The following TRIM29 variants were observed in gnomAD, a reference collection of about 807,000 sequenced individuals.
The protein encoded by TRIM29 is tripartite motif-containing protein 29.
A neutral mutation model predicts 57.3 loss-of-function variants in TRIM29; 52 were observed. The ratio of observed to expected loss-of-function variants is 0.91; its 90% CI spans 0.73 to 1.14. TRIM29 has a LOEUF of 1.14. TRIM29 is among the 50% of genes most tolerant of loss of function. The probability of loss-of-function intolerance (pLI) is 0.00; values close to 1 mark genes in which losing one functional copy is unlikely to be tolerated. For missense variants in TRIM29, 753 were observed against 774.6 expected (o/e 0.97, Z 0.33); for synonymous variants, 319 against 316.9 (o/e 1.01, Z -0.07).
rs773651105 is a variant in TRIM29 at position 120,112,445 on chromosome 11, C to G, written c.1736G>C (p.Gly579Ala). ...GGCTTCGTTGGACCCAATCCCGTTG[C>G]CTTTGTTGACGTAGAATGGCCGGTA... ...SHYRPFYVNK[G>A]NGIGSNEAP Residue 579 changes from glycine (G) to alanine (A), a missense_variant, in exon 9 of 9, where the codon GGC becomes GCC. Transcript: ENST00000341846. 8 of 1,613,182 alleles carry G rather than the reference C, an allele frequency of 5.0e-6. No individual in the cohort carries two copies. In the East Asian group the frequency reaches 6.7e-5, roughly 13 times the overall value.
intron 2 of TRIM29, 99 bp from the exon 3 acceptor site, chr11:120,127,668 G>C (rs899525745): frequency 1.6e-5 from 18 of 1,125,672 alleles, no homozygotes; most frequent in Non-Finnish European, 1.7e-5. Flanking sequence ...CACAGGATCA[G>C]GGCATTCCCA....
chr11:120,127,018 C>T (rs1361077088), intron 3 of TRIM29, among the ~76,000 whole-genome samples: 2 of 152,186 alleles, frequency 1.3e-5, no homozygotes, highest in Non-Finnish European at 2.9e-5. Flanking sequence ...CCCCTCTACC[C>T]GATTCACTGA....
In TRIM29 at chr11:120,137,881, C is replaced by G. The variant is rs374671683; in HGVS notation, c.151G>C (p.Ala51Pro). ...GCGCTGCCCAGGCTCTTGCCCTCAGCTGCCTCCCCGCCGTGCCCGTTGGTG... is the reference window on the plus strand; with the variant it reads ...GCGCTGCCCAGGCTCTTGCCCTCAGGTGCCTCCCCGCCGTGCCCGTTGGTG... ...KTTNGHGGEAAEGKSLGSALK... is the reference protein window; with the variant it reads ...KTTNGHGGEAPEGKSLGSALK... Residue 51 changes from alanine (A) to proline (P), a missense_variant, in exon 1 of 9, where the codon GCT (alanine) becomes CCT (proline). By Grantham distance (27) the Ala-to-Pro change is conservative. Transcript: ENST00000341846. This position sits in a 1 kb window ranked among gnomAD's most constrained non-coding sequence, Gnocchi z 6.2. 2.8e-5 allele frequency: 45 copies of G among 1,611,000 alleles called. No individual in the cohort carries two copies. The highest frequency in any genetic ancestry group is 2.4e-4 in the African/African-American group (18 of 74,952).
chr11:120,137,154 G>A lies in TRIM29; in HGVS notation c.804+74C>T. On this transcript the variant is annotated intron_variant, in intron 1 of 8. Coordinates refer to ENST00000341846, the MANE Select transcript of TRIM29 (RefSeq NM_012101.4). This position sits in a 1 kb window ranked among gnomAD's most constrained non-coding sequence, Gnocchi z 6.2. ...GCCCCAAACCCGAGGAAGCCCGAGT[G>A]GAGAAGATGAAGTTCGGAGGGGTGG... 7 of 1,532,414 alleles carry A rather than the reference G, an allele frequency of 4.6e-6. No homozygotes were observed. Among genetic ancestry groups the A allele is most frequent in the Non-Finnish European group, 6.2e-6 (7 of 1,122,416 alleles). The allele number at this position is 1,532,414 out of a possible 1,614,324, so 94.9% of individuals were successfully genotyped here. A position where few individuals can be genotyped will look rare whatever the true frequency, so the allele number is the denominator to read the frequency against.
chr11:120,112,850 G>T (rs546390258), intron 8 of TRIM29, among the ~76,000 whole-genome samples: 1 of 152,192 alleles, frequency 6.6e-6, no homozygotes, highest in Non-Finnish European at 1.5e-5. Context: ...GTCGAGGGCT[G>T]TATGTGGATG....
rs762352222 is a variant in TRIM29, at chr11:120,112,384, G to A, written c.*30C>T. The A allele has an allele frequency of 1.2e-6, 2 of 1,612,234 alleles. No individual in the cohort carries two copies. Among genetic ancestry groups the A allele is most frequent in the South Asian group, 2.2e-5 (2 of 91,022 alleles). ...AGCAGGGTCAGGAGGAAGAGCAGGG[G>A]TGTGGCGCCTCGTTCCTTCCGCCAG... On this transcript the variant is annotated 3_prime_UTR_variant, in exon 9 of 9. Transcript: ENST00000341846.
intron 1 of TRIM29, among the ~76,000 whole-genome samples, chr11:120,131,806 G>A (rs1863729051): frequency 6.6e-6 from 1 of 150,646 alleles, no homozygotes; most frequent in Non-Finnish European, 1.5e-5. Flanking sequence ...AACATGGGAA[G>A]GTTTAAAAGT....
chr11:120,112,113 G>C lies in TRIM29; in HGVS notation c.*301C>G, dbSNP rs1863148809. 1 of 377,266 alleles carries C rather than the reference G, an allele frequency of 2.7e-6. No individual in the cohort carries two copies. Among genetic ancestry groups the C allele is most frequent in the Admixed American group, 4.5e-5 (1 of 22,204 alleles). 23.4% of individuals were successfully genotyped at this position (377,266 alleles called of 1,614,324 possible). A position where few individuals can be genotyped will look rare whatever the true frequency, so the allele number is the denominator to read the frequency against. ...GCCCCCAGATCCAGCCCGAGAGGAG[G>C]AGGCTGGCGGGTTAGGGCAGGCCCC... is the stretch of plus-strand genomic sequence containing the variant. On this transcript the variant is annotated 3_prime_UTR_variant, in exon 9 of 9. Coordinates refer to ENST00000341846, the MANE Select transcript of TRIM29 (RefSeq NM_012101.4).
chr11:120,127,546 G>A lies in TRIM29; in HGVS notation c.924C>T (p.Ala308=). The A allele has an allele frequency of 6.2e-7, 1 of 1,613,992 alleles. No individual in the cohort carries two copies. The highest frequency in any genetic ancestry group is 8.5e-7 in the Non-Finnish European group (1 of 1,179,934). The stretch of plus-strand genomic sequence containing the variant: ...GGTCCCGGAAGTTCTGCTCCAGGAT[G>A]GCCTTCTCATTGGTGGTGAAGCTCT... ...RIKSFTTNEK[A]ILEQNFRDLV... The change falls in exon 3 of 9, where the codon GCC becomes GCT. Residue 308 remains alanine, a synonymous_variant. Coordinates refer to ENST00000341846, the MANE Select transcript of TRIM29 (RefSeq NM_012101.4).
At chr11:120,130,751 G>A (rs1012517191) in intron 1 of TRIM29, among the ~76,000 whole-genome samples, 1 of 152,212 alleles carries the variant, frequency 6.6e-6, no homozygotes, top group Admixed American at 6.5e-5. Flanking sequence ...TGGACCAGGG[G>A]CCAGGCTGGG....
intron 8 of TRIM29, among the ~76,000 whole-genome samples, chr11:120,112,699 T>C (rs1466709213): frequency 2.0e-5 from 3 of 152,224 alleles, no homozygotes; most frequent in Non-Finnish European, 4.4e-5. Context: ...TCCATTCCCA[T>C]AGTTAGTGGG....
intron 6 of TRIM29, among the ~76,000 whole-genome samples, chr11:120,120,344 TACACACACACACACAC>T (rs71050727): frequency 0.01 from 1,390 of 138,000 alleles, 27 homozygotes; most frequent in African/African-American, 0.031. Flanking sequence ...CCCACACATG[TACACACACACACACAC>T]ACACACACAC....
At chr11:120,125,956 AG>A (rs1217545343) in intron 3 of TRIM29, 67 bp from the exon 4 acceptor site, 1 of 1,526,774 alleles carries the variant, frequency 6.5e-7, no homozygotes, top group East Asian at 2.3e-5. Flanking sequence ...CTTCTCTGCC[AG>A]GGGCTCTCAC....
chr11:120,133,904 C>T (rs1168176214), intron 1 of TRIM29, among the ~76,000 whole-genome samples: 1 of 152,174 alleles, frequency 6.6e-6, no homozygotes, highest in Non-Finnish European at 1.5e-5. Context: ...ACACACGCCT[C>T]GTCATGCTGC....
In TRIM29 at chr11:120,128,411, CCTT is replaced by C; in HGVS notation, c.886_888del (p.Lys296del). 1 of 1,611,970 alleles carries C rather than the reference CCTT, an allele frequency of 6.2e-7. No homozygotes were observed. The highest frequency in any genetic ancestry group is 8.5e-7 in the Non-Finnish European group (1 of 1,180,002). On this transcript the variant is annotated inframe_deletion, in exon 2 of 9. Transcript: ENST00000341846. ...TGGGGGCTGCTCACCTTGATGCGGT[CCTT>C]CTCCTTCTGCCACTTCTCAGCTTCA...
chr11:120,113,870 T>C (rs1863200233), intron 8 of TRIM29, among the ~76,000 whole-genome samples: 1 of 152,136 alleles, frequency 6.6e-6, no homozygotes, highest in Non-Finnish European at 1.5e-5. Flanking sequence ...AATGGCATTG[T>C]CTGGTTAAAA....
intron 2 of TRIM29, among the ~76,000 whole-genome samples, chr11:120,128,029 C>A (rs1039440044): frequency 6.6e-6 from 1 of 152,156 alleles, no homozygotes; most frequent in Non-Finnish European, 1.5e-5. Context: ...TTACCCAAAC[C>A]ATGGCAGACA....
At chr11:120,125,069 G>C (rs1863551802) in intron 4 of TRIM29, 1 of 152,716 alleles carries the variant, frequency 6.5e-6, no homozygotes, top group African/African-American at 2.4e-5. Context: ...CAGGTTCAGA[G>C]GTTTTCTGTG....
chr11:120,122,088 C>T, intron 5 of TRIM29: 1 of 388,996 alleles, frequency 2.6e-6, no homozygotes, highest in Non-Finnish European at 5.3e-6. Context: ...TTCTGTTGAG[C>T]TCATCTCTCC....
Sources: gnomAD v4.1 joint callset for allele counts (sites outside exome capture counted in the v4.1 genomes callset) on GRCh38, gnomAD v4.1.1 for gene constraint, Gnocchi (gnomAD v3.1) non-coding constraint, MANE v1.5 for transcripts, NCBI Gene and HGNC (gene_info 2026-07-23, HGNC 2026-07-21) for gene names.